The following ADRA1B variants were observed in gnomAD, a reference collection of about 807,000 sequenced individuals.
ADRA1B encodes adrenoceptor alpha 1B.
ADRA1B carries 17 observed loss-of-function variants against 17.9 expected under a neutral mutation model. The ratio of observed to expected loss-of-function variants is 0.95; its 90% confidence interval spans 0.65 to 1.42. ADRA1B has a LOEUF of 1.42. Ranked by LOEUF, ADRA1B falls within the 40% of genes most tolerant of loss-of-function variation. ADRA1B has a pLI of 0.00. For missense variants in ADRA1B, 681 were observed against 722.1 expected (o/e 0.94, Z 0.65); for synonymous variants, 366 against 327.6 (o/e 1.12, Z -1.27).
chr5:159,973,128 CCTCCAGT>C (rs1755919122), downstream of ADRA1B, among the ~76,000 whole-genome samples: 1 of 152,220 alleles, frequency 6.6e-6, no homozygotes, highest in African/African-American at 2.4e-5. Flanking sequence ...ATTCCCCTGC[CCTCCAGT>C]CTCCACCCCA....
At chr5:159,939,306 TG>T (rs1561600591) in intron 1 of ADRA1B, among the ~76,000 whole-genome samples, 1 of 141,840 alleles carries the variant, frequency 7.1e-6, no homozygotes, top group Non-Finnish European at 1.5e-5. Flanking sequence ...TGTGTGTGTG[TG>T]TGTGTGTGTG....
chr5:159,924,986 G>C (rs1321242253), intron 1 of ADRA1B, among the ~76,000 whole-genome samples: 1 of 152,202 alleles, frequency 6.6e-6, no homozygotes, highest in Non-Finnish European at 1.5e-5. Context: ...CCACAGGATT[G>C]TGAAGTGGGC....
upstream of ADRA1B, among the ~76,000 whole-genome samples, chr5:159,915,584 T>C (rs1754281753): frequency 6.6e-6 from 1 of 152,142 alleles, no homozygotes. Flanking sequence ...CAAGATCCTC[T>C]ACGTCCCTTC....
At chr5:159,946,056 T>C (rs1216868880) in intron 1 of ADRA1B, among the ~76,000 whole-genome samples, 1 of 152,186 alleles carries the variant, frequency 6.6e-6, no homozygotes, top group Non-Finnish European at 1.5e-5. Flanking sequence ...CCGATTTCTG[T>C]TTTTAAAGAC....
intron 1 of ADRA1B, among the ~76,000 whole-genome samples, chr5:159,939,270 AGAGAGAGAGT>A (rs1755040702): frequency 1.3e-5 from 1 of 76,154 alleles, no homozygotes; most frequent in Non-Finnish European, 2.4e-5. Context: ...AGAGAGAGAG[AGAGAGAGAGT>A]GTGTGTGTGT....
intron 1 of ADRA1B, among the ~76,000 whole-genome samples, chr5:159,907,986 G>C (rs972585582): frequency 1.5e-5 from 2 of 132,642 alleles, no homozygotes; most frequent in South Asian, 2.3e-4. Context: ...CACACACACA[G>C]AGTTGGTTGC....
At chr5:159,962,728 T>C (rs1351491845) in intron 1 of ADRA1B, among the ~76,000 whole-genome samples, 2 of 148,238 alleles carry the variant, frequency 1.3e-5, no homozygotes, top group Non-Finnish European at 3.0e-5. Flanking sequence ...TGGAATGCAG[T>C]GATGCGATCA....
At chr5:159,988,330 T>C in the ADRA1B span, among the ~76,000 whole-genome samples, 1 of 152,234 alleles carries the variant, frequency 6.6e-6, no homozygotes, top group Non-Finnish European at 1.5e-5. Context: ...ACCTTGACTT[T>C]AGCCCAGTAA....
At chr5:159,874,470 C>A (rs541654414) in intron 1 of ADRA1B, among the ~76,000 whole-genome samples, 2 of 152,300 alleles carry the variant, frequency 1.3e-5, no homozygotes, top group South Asian at 2.1e-4. Context: ...GGTGTCAGTG[C>A]AGCACCTATT....
chr5:159,865,495 G>C (rs114697361), intron 1 of ADRA1B, among the ~76,000 whole-genome samples: 1 of 152,164 alleles, frequency 6.6e-6, no homozygotes, highest in Non-Finnish European at 1.5e-5. Context: ...ACTAATTCTC[G>C]CAATCTCTAT....
At chr5:159,921,462 G>A (rs775297521) in intron 1 of ADRA1B, among the ~76,000 whole-genome samples, 10 of 152,218 alleles carry the variant, frequency 6.6e-5, no homozygotes, top group Non-Finnish European at 1.3e-4. Flanking sequence ...CCTAGGGAAG[G>A]CCTTGTCAGG....
At chr5:159,982,109 C>T in the ADRA1B span, among the ~76,000 whole-genome samples, 8 of 152,148 alleles carry the variant, frequency 5.3e-5, no homozygotes, top group Admixed American at 2.0e-4. Context: ...ATGTTCCTAC[C>T]GGCTAAGGTC....
chr5:159,972,525 G>A lies in ADRA1B; in HGVS notation c.*33G>A. On this transcript the variant is annotated 3_prime_UTR_variant, in exon 2 of 2. Transcript: ENST00000306675. ...GTGCGCAGCTTTCTTTCCCTGGGGA[G>A]GAAAACATCGTGGGGGGGAGGGGAG... 2 of 481,606 alleles carry A rather than the reference G, an allele frequency of 4.2e-6. No homozygotes were observed. The highest frequency in any genetic ancestry group is 5.4e-6 in the Non-Finnish European group (2 of 370,120). The allele number at this position is 481,606 out of a possible 1,614,324, so 29.8% of individuals were successfully genotyped here. A position where few individuals can be genotyped will look rare whatever the true frequency, so the allele number is the denominator to read the frequency against.
At chr5:159,889,673 G>T (rs1753961552) in intron 1 of ADRA1B, among the ~76,000 whole-genome samples, 1 of 152,150 alleles carries the variant, frequency 6.6e-6, no homozygotes, top group Non-Finnish European at 1.5e-5. Context: ...GGGTTCAATG[G>T]CATTCAGGTT....
At chr5:159,984,859 C>T in the ADRA1B span, among the ~76,000 whole-genome samples, 1 of 150,268 alleles carries the variant, frequency 6.7e-6, no homozygotes. Context: ...CAGTGAGGAT[C>T]AGGCCACATC....
At chr5:159,932,575 T>G (rs1414494949) in intron 1 of ADRA1B, among the ~76,000 whole-genome samples, 3 of 152,178 alleles carry the variant, frequency 2.0e-5, no homozygotes, top group Non-Finnish European at 4.4e-5. Flanking sequence ...ACACAAGGTA[T>G]CACTTTACAA....
chr5:159,956,466 G>T (rs1048615613), intron 1 of ADRA1B, among the ~76,000 whole-genome samples: 2 of 151,838 alleles, frequency 1.3e-5, no homozygotes, highest in Admixed American at 1.3e-4. Flanking sequence ...CCTGAAATTT[G>T]CTTTTTTGCT....
intron 1 of ADRA1B, among the ~76,000 whole-genome samples, chr5:159,897,219 G>A (rs1439174299): frequency 6.6e-6 from 1 of 152,160 alleles, no homozygotes; most frequent in Non-Finnish European, 1.5e-5. Context: ...CAGGCGTGGT[G>A]GCTCACGCCT....
intron 1 of ADRA1B, among the ~76,000 whole-genome samples, chr5:159,905,237 A>G (rs1754149195): frequency 6.6e-6 from 1 of 152,224 alleles, no homozygotes. Flanking sequence ...ATAGGTTTCT[A>G]ACACAAAATT....
Sources: allele counts gnomAD v4.1 joint callset (sites outside exome capture counted in the v4.1 genomes callset), GRCh38; gene constraint gnomAD v4.1.1; transcripts MANE v1.5; gene names NCBI Gene and HGNC (gene_info 2026-07-23, HGNC 2026-07-21).